CADPS2: variants seen among roughly 807,000 people sequenced by gnomAD.
The protein encoded by CADPS2 is calcium dependent secretion activator 2.
CADPS2 carries 93 observed loss-of-function variants against 172.5 expected under a neutral mutation model. The ratio of observed to expected loss-of-function variants is 0.54; its 90% CI spans 0.46 to 0.64. CADPS2 has a LOEUF of 0.64. CADPS2 is among the 30% of genes least tolerant of loss of function. CADPS2 has a pLI of 0.00. For synonymous variants in CADPS2, 546 were observed against 555.2 expected (o/e 0.98, Z 0.23); for missense variants, 1,420 against 1,565.9 (o/e 0.91, Z 1.57).
intron 9 of CADPS2, among the ~76,000 whole-genome samples, chr7:122,502,855 T>C (rs1563528518): frequency 1.3e-5 from 2 of 151,534 alleles, no homozygotes; most frequent in South Asian, 4.1e-4. Flanking sequence ...ACTGTATTTT[T>C]TTCTTTTTTT....
At chr7:122,487,593 T>C (rs1266828273) in intron 11 of CADPS2, among the ~76,000 whole-genome samples, 6 of 152,026 alleles carry the variant, frequency 3.9e-5, no homozygotes, top group Non-Finnish European at 5.9e-5. Flanking sequence ...ATAAAAAATA[T>C]AAGATGCAAT....
intron 28 of CADPS2, among the ~76,000 whole-genome samples, chr7:122,333,068 G>C (rs948150799): frequency 1.3e-5 from 2 of 152,124 alleles, no homozygotes; most frequent in Non-Finnish European, 2.9e-5. Flanking sequence ...CCAGTTAATG[G>C]TTTGGCTCAT....
At chr7:122,448,500 A>T (rs1423487255) in intron 15 of CADPS2, among the ~76,000 whole-genome samples, 2 of 152,222 alleles carry the variant, frequency 1.3e-5, no homozygotes, top group Non-Finnish European at 2.9e-5. Context: ...GTATAAGAGA[A>T]ATAGAGAAAC....
intron 2 of CADPS2, among the ~76,000 whole-genome samples, chr7:122,696,436 T>C (rs2085099673): frequency 6.6e-6 from 1 of 152,200 alleles, no homozygotes; most frequent in Non-Finnish European, 1.5e-5. Flanking sequence ...CACCTGGTCA[T>C]TTGCCCAGTT....
chr7:122,743,434 A>T (rs1174400610), intron 1 of CADPS2, among the ~76,000 whole-genome samples: 1 of 152,156 alleles, frequency 6.6e-6, no homozygotes, highest in Non-Finnish European at 1.5e-5. Context: ...CCAGGAACCT[A>T]GCAACCATGG....
At chr7:122,773,237 A>G (rs2093759153) in intron 1 of CADPS2, among the ~76,000 whole-genome samples, 2 of 152,034 alleles carry the variant, frequency 1.3e-5, no homozygotes, top group Non-Finnish European at 2.9e-5. Flanking sequence ...CGTGGTGAAC[A>G]TGTTTCCATA....
intron 1 of CADPS2, among the ~76,000 whole-genome samples, chr7:122,753,724 A>T (rs1254972043): frequency 1.3e-5 from 2 of 152,128 alleles, no homozygotes; most frequent in Non-Finnish European, 2.9e-5. Flanking sequence ...GCTGCCAAAA[A>T]TTAGATGACA....
chr7:122,763,147 C>T (rs185357547), intron 1 of CADPS2, among the ~76,000 whole-genome samples: 3 of 152,056 alleles, frequency 2.0e-5, no homozygotes, highest in East Asian at 3.9e-4. Context: ...ACACAAATAA[C>T]CAAGTCATCA....
chr7:122,682,940 T>C (rs1279387721), intron 2 of CADPS2, among the ~76,000 whole-genome samples: 5 of 152,164 alleles, frequency 3.3e-5, no homozygotes, highest in Admixed American at 3.3e-4. Flanking sequence ...AAGCAAGCAA[T>C]TGTAGAGACT....
rs777882868 is a variant in CADPS2, at chr7:122,821,186, CA to C, written c.339+64812del. ...CCACCTTACATTCACCCCATTTCCC[CA>C]AATTTGCTTCTTTCCTGTTCCTCAC... is the stretch of plus-strand genomic sequence containing the variant. On this transcript the variant is annotated intron_variant, in intron 1 of 29. Coordinates refer to ENST00000449022, the MANE Select transcript of CADPS2 (RefSeq NM_017954.11). Among the ~76,000 whole-genome samples, 41 of 151,992 alleles carry C rather than the reference CA, an allele frequency of 2.7e-4. 1 individual carries two copies. Among genetic ancestry groups the C allele is most frequent in the Non-Finnish European group, 4.9e-4 (33 of 68,010 alleles).
intron 7 of CADPS2, among the ~76,000 whole-genome samples, chr7:122,580,241 G>C (rs564774056): frequency 9.9e-5 from 15 of 152,120 alleles, no homozygotes; most frequent in African/African-American, 3.6e-4. Flanking sequence ...GATCACTTGA[G>C]GTCAGGAGTT....
At chr7:122,375,948 G>A (rs1477202096) in intron 25 of CADPS2, among the ~76,000 whole-genome samples, 1 of 151,754 alleles carries the variant, frequency 6.6e-6, no homozygotes, top group African/African-American at 2.4e-5. Context: ...CATCTCTAAT[G>A]AACATGTATA....
At chr7:122,801,003 A>C (rs895837008) in intron 1 of CADPS2, among the ~76,000 whole-genome samples, 8 of 148,978 alleles carry the variant, frequency 5.4e-5, no homozygotes, top group African/African-American at 2.1e-4. Flanking sequence ...AAAAAAAAAA[A>C]AAAAAGAAAA....
At chr7:122,869,053 G>A (rs978527819) in intron 1 of CADPS2, among the ~76,000 whole-genome samples, 9 of 152,054 alleles carry the variant, frequency 5.9e-5, no homozygotes, top group Non-Finnish European at 1.3e-4. Context: ...TAACCTAAGG[G>A]AATTATGGAA....
chr7:122,365,876 G>C (rs1482491344), intron 25 of CADPS2, among the ~76,000 whole-genome samples: 2 of 152,158 alleles, frequency 1.3e-5, no homozygotes. Context: ...GATTCATATG[G>C]AAGGTAGAAC....
At chr7:122,376,664 T>C (rs1054357385) in intron 25 of CADPS2, among the ~76,000 whole-genome samples, 4 of 152,126 alleles carry the variant, frequency 2.6e-5, no homozygotes, top group African/African-American at 9.7e-5. Context: ...ATAGGGCCTA[T>C]AGAAAACAAC....
At chr7:122,480,908 G>A (rs371766524) in intron 11 of CADPS2, 48 bp from the exon 12 acceptor site, 2 of 1,433,392 alleles carry the variant, frequency 1.4e-6, no homozygotes, top group Non-Finnish European at 1.9e-6. Context: ...TAAATGGGTT[G>A]GGAACTATAT....
At chr7:122,586,668 G>C (rs1387977104) in intron 6 of CADPS2, among the ~76,000 whole-genome samples, 3 of 151,862 alleles carry the variant, frequency 2.0e-5, no homozygotes, top group Non-Finnish European at 4.4e-5. Context: ...AAAGGGAAGG[G>C]AGGTGGTGTC....
chr7:122,597,732 C>G (rs528049634), intron 6 of CADPS2, among the ~76,000 whole-genome samples: 9 of 152,186 alleles, frequency 5.9e-5, no homozygotes, highest in Non-Finnish European at 1.2e-4. Context: ...TCAATTTCCC[C>G]TGTAATAACT....
Sources: gnomAD v4.1 joint callset for allele counts (sites outside exome capture counted in the v4.1 genomes callset) on GRCh38, gnomAD v4.1.1 for gene constraint, MANE v1.5 for transcripts, NCBI Gene and HGNC (gene_info 2026-07-23, HGNC 2026-07-21) for gene names.